RANBP2: variants seen among roughly 807,000 people sequenced by gnomAD.
RANBP2 encodes E3 SUMO-protein ligase RanBP2.
RANBP2 carries 57 observed loss-of-function variants against 303.6 expected under a neutral mutation model. The ratio of observed to expected loss-of-function variants is 0.19; its 90% CI spans 0.15 to 0.23. The LOEUF (loss-of-function observed/expected upper bound fraction) is 0.23, where lower values mean the gene tolerates loss of function less well. Among genes scored for constraint, RANBP2 ranks in the 10% least tolerant of loss-of-function variants. RANBP2 has a pLI of 1.00. For missense variants in RANBP2, 3,138 were observed against 3,780.8 expected (o/e 0.83, Z 4.46); for synonymous variants, 1,167 against 1,301.5 (o/e 0.90, Z 2.23).
At chr2:108,762,010 T>C in intron 18 of RANBP2, 91 bp from the exon 19 acceptor site, 2 of 1,536,680 alleles carry the variant, frequency 1.3e-6, no homozygotes, top group Non-Finnish European at 1.7e-6. Flanking sequence ...TTAATTTCTA[T>C]TGCCTTTGTA....
the RANBP2 span, among the ~76,000 whole-genome samples, chr2:109,536,796 C>A: frequency 6.6e-6 from 1 of 152,090 alleles, no homozygotes; most frequent in Non-Finnish European, 1.5e-5. Flanking sequence ...ATCATGGGGA[C>A]GTCTTTCCTG....
At chr2:109,388,251 C>A in the RANBP2 span, among the ~76,000 whole-genome samples, 1 of 152,220 alleles carries the variant, frequency 6.6e-6, no homozygotes, top group Non-Finnish European at 1.5e-5. Context: ...TCAGCCAAGC[C>A]TTTCTCTAGT....
At chr2:109,079,479 A>T in the RANBP2 span, among the ~76,000 whole-genome samples, 2 of 152,190 alleles carry the variant, frequency 1.3e-5, no homozygotes, top group African/African-American at 4.8e-5. Flanking sequence ...TCGTTGTTAA[A>T]GAGTCAACTG....
the RANBP2 span, among the ~76,000 whole-genome samples, chr2:109,697,297 C>T: frequency 6.6e-6 from 1 of 152,142 alleles, no homozygotes; most frequent in Middle Eastern, 3.2e-3. Context: ...CGAGACCAGC[C>T]TGACCAACAT....
chr2:109,560,795 A>G, the RANBP2 span, among the ~76,000 whole-genome samples: 2 of 152,130 alleles, frequency 1.3e-5, no homozygotes, highest in Non-Finnish European at 2.9e-5. Flanking sequence ...ATGAAACCAT[A>G]AATTCAGGAG....
the RANBP2 span, among the ~76,000 whole-genome samples, chr2:109,123,567 G>A: frequency 1.3e-5 from 2 of 152,192 alleles, no homozygotes; most frequent in African/African-American, 4.8e-5. Flanking sequence ...TTGGGTGGAT[G>A]TAAAATATAG....
At chr2:108,874,758 C>T in the RANBP2 span, among the ~76,000 whole-genome samples, 5 of 152,032 alleles carry the variant, frequency 3.3e-5, no homozygotes, top group Non-Finnish European at 7.4e-5. Flanking sequence ...AAGTTACTAG[C>T]GCTGAATTTA....
chr2:109,129,736 A>G, the RANBP2 span: 1 of 1,538,952 alleles, frequency 6.5e-7, no homozygotes, highest in Non-Finnish European at 8.7e-7. Flanking sequence ...GCGCCTGGAC[A>G]CCACGGCCAA....
the RANBP2 span, among the ~76,000 whole-genome samples, chr2:109,078,102 A>ATATGGCG: frequency 2.2e-5 from 2 of 90,126 alleles, no homozygotes; most frequent in African/African-American, 3.8e-5. Context: ...ATATATATAT[A>ATATGGCG]TATATATATA....
the RANBP2 span, among the ~76,000 whole-genome samples, chr2:109,461,682 G>A: frequency 1.3e-5 from 2 of 151,058 alleles, no homozygotes; most frequent in African/African-American, 4.9e-5. Flanking sequence ...CCTGCGCGGT[G>A]ATCCACCTGC....
chr2:108,937,191 C>T, the RANBP2 span, among the ~76,000 whole-genome samples: 27 of 152,248 alleles, frequency 1.8e-4, no homozygotes, highest in Non-Finnish European at 3.5e-4. Flanking sequence ...GGTTTATAAG[C>T]AGCCACTCTT....
the RANBP2 span, among the ~76,000 whole-genome samples, chr2:109,530,833 A>T: frequency 6.6e-6 from 1 of 152,154 alleles, no homozygotes; most frequent in African/African-American, 2.4e-5. Flanking sequence ...CCAGACATTC[A>T]AGAGGAAGGG....
chr2:109,522,762 G>C, the RANBP2 span, among the ~76,000 whole-genome samples: 15 of 152,160 alleles, frequency 9.9e-5, no homozygotes, highest in Admixed American at 2.0e-4. Context: ...ACACTAATAT[G>C]CTCCTGGGAT....
chr2:108,930,363 C>T, the RANBP2 span: 9 of 1,112,616 alleles, frequency 8.1e-6, no homozygotes, highest in South Asian at 2.6e-5. Context: ...GCTGGGGGCT[C>T]GGTCTGGGAA....
chr2:108,811,793 A>G, the RANBP2 span, among the ~76,000 whole-genome samples: 1 of 151,984 alleles, frequency 6.6e-6, no homozygotes, highest in African/African-American at 2.4e-5. Flanking sequence ...AGTCCCTAGT[A>G]TCTGTTATTT....
At chr2:109,560,317 A>C in the RANBP2 span, among the ~76,000 whole-genome samples, 6 of 152,150 alleles carry the variant, frequency 3.9e-5, 1 homozygote, top group African/African-American at 1.4e-4. Flanking sequence ...ATAAACCTGG[A>C]CCTCAACTTT....
the RANBP2 span, among the ~76,000 whole-genome samples, chr2:109,402,377 G>T: frequency 1.3e-5 from 2 of 152,272 alleles, no homozygotes; most frequent in Non-Finnish European, 2.9e-5. Flanking sequence ...CCAGGATTCT[G>T]TGGTCAGTGG....
At chr2:109,585,923 T>C in the RANBP2 span, 140 of 898,364 alleles carry the variant, frequency 1.6e-4, no homozygotes, top group Admixed American at 1.2e-3. Flanking sequence ...GAAGGACAAA[T>C]ATATCAAATA....
chr2:109,530,404 T>C, the RANBP2 span, among the ~76,000 whole-genome samples: 1 of 152,118 alleles, frequency 6.6e-6, no homozygotes, highest in Non-Finnish European at 1.5e-5. Context: ...TGCAAACAAA[T>C]ACAGAAGTGA....
Sources: allele counts gnomAD v4.1 joint callset (sites outside exome capture counted in the v4.1 genomes callset), GRCh38; gene constraint gnomAD v4.1.1; transcripts MANE v1.5; gene names NCBI Gene and HGNC (gene_info 2026-07-23, HGNC 2026-07-21).